Variants in DGKH observed in about 807,000 individuals in gnomAD.
DGKH encodes DAG kinase eta.
A neutral mutation model predicts 159.3 loss-of-function variants in DGKH; 90 were observed. That is an observed-to-expected ratio of 0.57 (90% CI 0.48 to 0.67). The LOEUF (loss-of-function observed/expected upper bound fraction) is 0.67, where lower values mean the gene tolerates loss of function less well. DGKH is among the 30% of genes least tolerant of loss of function. DGKH has a pLI of 0.00. For synonymous variants in DGKH, 536 were observed against 553.8 expected (o/e 0.97, Z 0.45); for missense variants, 1,181 against 1,506.1 (o/e 0.78, Z 3.57).
chr13:42,044,674 C>T (rs1034194520), upstream of DGKH, among the ~76,000 whole-genome samples: 3 of 152,122 alleles, frequency 2.0e-5, no homozygotes, highest in Non-Finnish European at 2.9e-5. Context: ...GTTAGTTAAG[C>T]GAACCATTTA....
chr13:42,050,011 A>G (rs1321566122), intron 1 of DGKH, among the ~76,000 whole-genome samples: 2 of 152,198 alleles, frequency 1.3e-5, no homozygotes, highest in Non-Finnish European at 2.9e-5. Flanking sequence ...TTCATTCTAC[A>G]GTTATTTTTA....
intron 1 of DGKH, among the ~76,000 whole-genome samples, chr13:42,094,619 T>C (rs1185410948): frequency 6.6e-6 from 1 of 152,222 alleles, no homozygotes; most frequent in African/African-American, 2.4e-5. Context: ...CTCAGTTGGA[T>C]GGAGTTAAGA....
chr13:42,061,119 C>T (rs993264526), intron 1 of DGKH, among the ~76,000 whole-genome samples: 5 of 152,064 alleles, frequency 3.3e-5, no homozygotes, highest in Admixed American at 6.5e-5. Context: ...TTTATAGTCC[C>T]GTTTGAGGAG....
chr13:42,207,127 TTCCTTCCTTCCTTCC>T (rs1566192558), intron 21 of DGKH, among the ~76,000 whole-genome samples: 6,395 of 58,002 alleles, frequency 0.11, 819 homozygotes, highest in South Asian at 0.16. Flanking sequence ...TTCTCTCTCC[TTCCTTCCTTCCTTCC>T]TTCCTTCCTT....
chr13:42,168,965 A>C, intron 11 of DGKH, 147 bp downstream of exon 11: 1 of 847,894 alleles, frequency 1.2e-6, no homozygotes, highest in African/African-American at 1.7e-5. Flanking sequence ...TCCACTGGTT[A>C]ATCCCTGAGA....
chr13:42,217,492 C>T (rs1365495684), intron 26 of DGKH, among the ~76,000 whole-genome samples: 2 of 151,944 alleles, frequency 1.3e-5, no homozygotes, highest in Non-Finnish European at 2.9e-5. Context: ...ATCCACCCGT[C>T]TCGGCCTCCC....
At chr13:42,137,546 G>A (rs887009275) in intron 3 of DGKH, among the ~76,000 whole-genome samples, 4 of 152,126 alleles carry the variant, frequency 2.6e-5, no homozygotes, top group South Asian at 2.1e-4. Flanking sequence ...GCTATGCTGC[G>A]TCTTTATTGT....
At chr13:42,103,120 T>G (rs1247907419) in intron 1 of DGKH, among the ~76,000 whole-genome samples, 1 of 152,116 alleles carries the variant, frequency 6.6e-6, no homozygotes, top group Non-Finnish European at 1.5e-5. Flanking sequence ...ATCAGGAGAT[T>G]GTTGTATATT....
At chr13:42,069,783 A>G in intron 1 of DGKH, 1 of 1,087,964 alleles carries the variant, frequency 9.2e-7, no homozygotes. Context: ...TACACTCCAG[A>G]TCACAATATT....
At position 42,187,131 on chromosome 13, in the gene DGKH, G is replaced by A; in HGVS notation, c.1621G>A (p.Asp541Asn). The change falls in exon 14 of 30, where the codon GAT becomes AAT. Residue 541 changes from aspartate to asparagine, a missense_variant. By Grantham distance (23) the Asp-to-Asn change is conservative. Around this residue, in one of 5 missense-constraint regions of DGKH, gnomAD observed 257 missense variants for 281.5 expected, o/e 0.91. Coordinates refer to ENST00000337343, the MANE Select transcript of DGKH (RefSeq NM_178009.5). ...DKTLENAVVA[D>N]AVASKCSVLN... ...AACCTTGGAAAATGCCGTTGTAGCTGATGCCGTGGCCAGTAAAGTAAGAGG... is the reference window on the plus strand; with the variant it reads ...AACCTTGGAAAATGCCGTTGTAGCTAATGCCGTGGCCAGTAAAGTAAGAGG... 6.2e-7 allele frequency: 1 copy of A among 1,614,038 alleles called. No individual in the cohort carries two copies. The highest frequency in any genetic ancestry group is 1.1e-5 in the South Asian group (1 of 91,074).
At chr13:42,171,459 C>T (rs1210897870) in intron 11 of DGKH, among the ~76,000 whole-genome samples, 1 of 152,192 alleles carries the variant, frequency 6.6e-6, no homozygotes, top group Non-Finnish European at 1.5e-5. Flanking sequence ...CTTGCTGCCA[C>T]TTTCTCCTTT....
Position 42,194,826 on chromosome 13 carries a change from C to A in DGKH, c.2036-59C>A, listed in dbSNP as rs1299805133. On this transcript the variant is annotated intron_variant, in intron 16 of 29. Transcript: ENST00000337343. ...ATTTTATGTTTTAAATTTATAGGAA[C>A]GTGCTTATTTTTATAGCTTTATCAT... is the stretch of plus-strand genomic sequence containing the variant. 3.3e-6 allele frequency: 5 copies of A among 1,532,162 alleles called. No homozygotes were observed. The Admixed American group carries it at 8.3e-5, about 25-fold the overall frequency. The allele number at this position is 1,532,162 out of a possible 1,614,324, so 94.9% of individuals were successfully genotyped here. A position where few individuals can be genotyped will look rare whatever the true frequency, so the allele number is the denominator to read the frequency against.
intron 16 of DGKH, 51 bp downstream of exon 16, chr13:42,190,576 G>T: frequency 2.0e-6 from 3 of 1,532,052 alleles, no homozygotes; most frequent in South Asian, 1.3e-5. Flanking sequence ...ATGTCATTTT[G>T]CTTTTAGTTT....
chr13:42,072,898 C>T (rs563215346), intron 1 of DGKH, among the ~76,000 whole-genome samples: 1 of 152,172 alleles, frequency 6.6e-6, no homozygotes, highest in East Asian at 1.9e-4. Context: ...TTCTTAACTT[C>T]TCCCCTTAGC....
intron 1 of DGKH, among the ~76,000 whole-genome samples, chr13:42,072,213 G>C (rs891916074): frequency 2.4e-4 from 36 of 152,218 alleles, no homozygotes; most frequent in African/African-American, 8.0e-4. Flanking sequence ...AGGCAATGCA[G>C]TGTTGTGGTT....
At chr13:42,042,167 A>G (rs1408478706) in intron 1 of DGKH, among the ~76,000 whole-genome samples, 1 of 152,240 alleles carries the variant, frequency 6.6e-6, no homozygotes, top group Non-Finnish European at 1.5e-5. Flanking sequence ...TGGTTATCAC[A>G]GGGGCTTAAG....
intron 1 of DGKH, among the ~76,000 whole-genome samples, chr13:42,064,614 G>A (rs1294704201): frequency 6.6e-6 from 1 of 152,134 alleles, no homozygotes; most frequent in Non-Finnish European, 1.5e-5. Context: ...AGAGAAGACT[G>A]TTGGCAGAGG....
chr13:42,102,798 A>G (rs1481138787), intron 1 of DGKH, among the ~76,000 whole-genome samples: 1 of 152,210 alleles, frequency 6.6e-6, no homozygotes, highest in Non-Finnish European at 1.5e-5. Context: ...AGACTAGGAA[A>G]GCCTTGGAAC....
chr13:42,103,330 G>T (rs1259524861), intron 1 of DGKH, among the ~76,000 whole-genome samples: 1 of 152,138 alleles, frequency 6.6e-6, no homozygotes, highest in Non-Finnish European at 1.5e-5. Flanking sequence ...TTGGGATAGG[G>T]AGTAGTATAA....
Sources: gnomAD v4.1 joint callset for allele counts (sites outside exome capture counted in the v4.1 genomes callset) on GRCh38, gnomAD v4.1.1 for gene constraint, gnomAD v4.1.1 regional missense constraint, MANE v1.5 for transcripts, NCBI Gene and HGNC (gene_info 2026-07-23, HGNC 2026-07-21) for gene names.